Variants in NPC1 observed in about 807,000 individuals in gnomAD.
NPC1 encodes the protein Niemann-Pick C1 protein.
In NPC1, 85 loss-of-function variants were observed where a neutral mutation model predicts 140.4. The observed-to-expected ratio is 0.61, with a 90% confidence interval of 0.51 to 0.72. The LOEUF (loss-of-function observed/expected upper bound fraction) is 0.72. Among genes scored for constraint, NPC1 ranks in the 30% least tolerant of loss-of-function variants. The pLI, the probability that NPC1 is intolerant of heterozygous loss-of-function variation, is 0.00. For missense variants in NPC1, 1,504 were observed against 1,623.8 expected (o/e 0.93, Z 1.27); for synonymous variants, 656 against 624.8 (o/e 1.05, Z -0.74).
chr18:23,560,131 G>A (rs1468985032), intron 6 of NPC1, 100 bp downstream of exon 6: 4 of 1,428,682 alleles, frequency 2.8e-6, no homozygotes, highest in Non-Finnish European at 3.9e-6. Flanking sequence ...GGAGGTATTT[G>A]TTTCTTGTCC....
Position 23,548,007 on chromosome 18 carries a change from CT to C in NPC1, c.1755del (p.Glu586SerfsTer6). The C allele has an allele frequency of 1.9e-6, 3 of 1,576,924 alleles. No homozygotes were observed. Among genetic ancestry groups the C allele is most frequent in the Non-Finnish European group, 2.6e-6 (3 of 1,146,194 alleles). On this transcript the variant is annotated frameshift_variant and splice_region_variant, in exon 11 of 25. Coordinates refer to ENST00000269228, the MANE Select transcript of NPC1 (RefSeq NM_000271.5). LOFTEE classifies it high-confidence loss of function. ...EKLQRAQAWE[K>X]EFINFVKNYK... ...TGCTCACACCCATGAGTGACTCACT[CT>C]TTTTCCCAGGCCTGGGCCCTCTGGA...
intron 1 of NPC1, chr18:23,576,421 CAAAAAA>C: frequency 1.1e-6 from 1 of 947,214 alleles, no homozygotes. Flanking sequence ...AAACTGGTCT[CAAAAAA>C]AAAGTCATCC....
intron 4 of NPC1, among the ~76,000 whole-genome samples, chr18:23,564,237 G>A (rs2145498918): frequency 6.6e-6 from 1 of 152,206 alleles, no homozygotes; most frequent in African/African-American, 2.4e-5. Context: ...ACCCGCCTTG[G>A]CCCCCCAAAG....
intron 21 of NPC1, 121 bp from the exon 22 acceptor site, chr18:23,535,821 T>C: frequency 1.3e-6 from 1 of 750,312 alleles, no homozygotes; most frequent in Non-Finnish European, 2.4e-6. Flanking sequence ...CAGAAAACCT[T>C]GCTGGCTGTC....
At chr18:23,522,456 C>A (rs562421274) in exon 2 of NPC1, 1 of 152,254 alleles carries the variant, frequency 6.6e-6, no homozygotes, top group Non-Finnish European at 1.5e-5. Flanking sequence ...CTTAAACTTT[C>A]TTAAAACATT....
intron 1 of NPC1, among the ~76,000 whole-genome samples, chr18:23,584,595 C>G (rs542278004): frequency 6.6e-6 from 1 of 152,262 alleles, no homozygotes; most frequent in Middle Eastern, 3.4e-3. Flanking sequence ...CCTGGCTGGG[C>G]GAGGTGGCTC....
At chr18:23,550,475 A>G (rs1189307739) in intron 10 of NPC1, among the ~76,000 whole-genome samples, 1 of 53,504 alleles carries the variant, frequency 1.9e-5, no homozygotes, top group Non-Finnish European at 3.3e-5. Context: ...CAGTTCTTAC[A>G]TTTCTTTTTT....
intron 3 of NPC1, among the ~76,000 whole-genome samples, chr18:23,516,946 G>A (rs2058024591): frequency 6.6e-6 from 1 of 151,722 alleles, no homozygotes; most frequent in African/African-American, 2.4e-5. Flanking sequence ...GGCTGGTCTC[G>A]AACTCCTGAC....
chr18:23,509,019 TG>T (rs2057781718), intron 3 of NPC1, among the ~76,000 whole-genome samples: 1 of 152,130 alleles, frequency 6.6e-6, no homozygotes, highest in Non-Finnish European at 1.5e-5. Flanking sequence ...TGAAGAGTTA[TG>T]GGCAAAAATC....
intron 14 of NPC1, 103 bp from the exon 15 acceptor site, chr18:23,541,536 G>A (rs961150444): frequency 2.5e-5 from 37 of 1,473,924 alleles, no homozygotes; most frequent in Non-Finnish European, 3.4e-5. Flanking sequence ...GCCAGCACAG[G>A]CCAAACGCAT....
In NPC1 at chr18:23,586,463, C is replaced by A; in HGVS notation, c.-120G>T. On this transcript the variant is annotated 5_prime_UTR_variant, in exon 1 of 25. Coordinates refer to ENST00000269228, the MANE Select transcript of NPC1 (RefSeq NM_000271.5). ...CGCAGGAGGAGCGGAGGAGCAGGAG[C>A]AGGCGCTGACCGCGGCAGCAGGCTG... 6.8e-7 allele frequency: 1 copy of A among 1,466,312 alleles called. No individual in the cohort carries two copies. Among genetic ancestry groups the A allele is most frequent in the South Asian group, 1.3e-5 (1 of 74,158 alleles). 90.8% of individuals were successfully genotyped at this position (1,466,312 alleles called of 1,614,324 possible). A position where few individuals can be genotyped will look rare whatever the true frequency, so the allele number is the denominator to read the frequency against.
At chr18:23,525,718 C>T (rs889203411), downstream of NPC1, among the ~76,000 whole-genome samples, 2 of 152,054 alleles carry the variant, frequency 1.3e-5, no homozygotes, top group East Asian at 1.9e-4. Flanking sequence ...CCACCACAGC[C>T]GGCCTATAAT....
rs1567969356 is a variant in NPC1 at position 23,560,351 on chromosome 18, G to GGGGGCT, written c.755_760dup (p.Gln252_Pro253dup). ...GATCGTCCAGGGAGCAGGAGGAGGT[G>GGGGGCT]GGGGCTGGGGCTTGGGGCCACAGAC... On this transcript the variant is annotated inframe_insertion, in exon 6 of 25. Coordinates refer to ENST00000269228, the MANE Select transcript of NPC1 (RefSeq NM_000271.5). 2 of 1,614,098 alleles carry GGGGGCT rather than the reference G, an allele frequency of 1.2e-6. No homozygotes were observed. Among genetic ancestry groups the GGGGGCT allele is most frequent in the South Asian group, 1.1e-5 (1 of 91,084 alleles).
downstream of NPC1, among the ~76,000 whole-genome samples, chr18:23,531,122 T>C (rs1431420848): frequency 2.6e-5 from 4 of 152,046 alleles, no homozygotes; most frequent in Admixed American, 2.0e-4. Context: ...TCCTGAGTAG[T>C]TGGGACTACA....
At chr18:23,542,738 A>T (rs1035630117) in intron 14 of NPC1, among the ~76,000 whole-genome samples, 2 of 152,230 alleles carry the variant, frequency 1.3e-5, no homozygotes, top group East Asian at 3.8e-4. Context: ...ACAACGGCAA[A>T]CATCTTGTAA....
At chr18:23,522,352 A>G (rs2058164429) in exon 2 of NPC1, 1 of 152,150 alleles carries the variant, frequency 6.6e-6, no homozygotes, top group East Asian at 1.9e-4. Flanking sequence ...GAATTGGGGG[A>G]AAAAAACTAA....
chr18:23,555,100 T>C (rs1336143755), intron 8 of NPC1, 116 bp from the exon 9 acceptor site: 3 of 749,058 alleles, frequency 4.0e-6, no homozygotes, highest in African/African-American at 3.5e-5. Context: ...GGGAAAATAC[T>C]TCCTAAGATG....
At chr18:23,563,331 C>G (rs561408772) in intron 4 of NPC1, among the ~76,000 whole-genome samples, 23 of 152,312 alleles carry the variant, frequency 1.5e-4, no homozygotes, top group African/African-American at 5.3e-4. Flanking sequence ...CTGCTAGAAG[C>G]ATTTGTGTAT....
intron 6 of NPC1, among the ~76,000 whole-genome samples, chr18:23,559,184 C>T (rs150347491): frequency 0.038 from 5,825 of 152,144 alleles, 341 homozygotes; most frequent in African/African-American, 0.13. Flanking sequence ...TATAAACATA[C>T]GTGTGCATGT....
Sources: allele counts gnomAD v4.1 joint callset (sites outside exome capture counted in the v4.1 genomes callset), GRCh38; gene constraint gnomAD v4.1.1; transcripts MANE v1.5; gene names NCBI Gene and HGNC (gene_info 2026-07-23, HGNC 2026-07-21).